CPVL: variants seen among roughly 807,000 people sequenced by gnomAD.
CPVL encodes carboxypeptidase vitellogenic like.
Under a neutral mutation model 63.7 loss-of-function variants are expected in CPVL, and 51 were observed. The ratio of observed to expected loss-of-function variants is 0.80; its 90% CI spans 0.64 to 1.01. The LOEUF is 1.01. Ranked by LOEUF, CPVL falls within the 50% of genes least tolerant of loss-of-function variation. The pLI is 0.00. For synonymous variants in CPVL, 195 were observed against 206.0 expected (o/e 0.95, Z 0.46); for missense variants, 530 against 573.1 (o/e 0.92, Z 0.77).
intron 11 of CPVL, among the ~76,000 whole-genome samples, chr7:29,041,126 A>ATTTTTT (rs1191228187): frequency 1.1e-4 from 12 of 104,918 alleles, no homozygotes; most frequent in African/African-American, 1.8e-4. Context: ...CAATAACTGG[A>ATTTTTT]TTTTTTTTTT....
intron 9 of CPVL, among the ~76,000 whole-genome samples, chr7:29,069,277 T>A (rs1328394112): frequency 6.6e-6 from 1 of 151,314 alleles, no homozygotes; most frequent in African/African-American, 2.4e-5. Context: ...CCGTCTCTAC[T>A]AAAAATAAGA....
At chr7:29,110,417 C>T (rs530769265) in intron 3 of CPVL, among the ~76,000 whole-genome samples, 18 of 152,234 alleles carry the variant, frequency 1.2e-4, no homozygotes, top group African/African-American at 3.6e-4. Flanking sequence ...TGGTAAAAGG[C>T]GTGTTGGTCA....
At chr7:29,176,145 CA>C (rs1797301362) in intron 5 of CPVL, among the ~76,000 whole-genome samples, 2 of 151,162 alleles carry the variant, frequency 1.3e-5, no homozygotes, top group Non-Finnish European at 2.9e-5. Flanking sequence ...AAGATCGCGC[CA>C]CTGCACTCCA....
intron 5 of CPVL, 45 bp from the exon 6 acceptor site, chr7:29,092,747 T>A: frequency 7.5e-7 from 1 of 1,337,592 alleles, no homozygotes; most frequent in South Asian, 1.2e-5. Context: ...GAGAAACACA[T>A]GCCTTAGGGA....
At chr7:29,157,335 C>T (rs540763197) in intron 5 of CPVL, among the ~76,000 whole-genome samples, 59 of 152,204 alleles carry the variant, frequency 3.9e-4, no homozygotes, top group African/African-American at 1.4e-3. Context: ...CTTCTCCACT[C>T]AATGCCCAGC....
At chr7:28,996,832 C>G (rs961241176) in intron 12 of CPVL, among the ~76,000 whole-genome samples, 1 of 151,950 alleles carries the variant, frequency 6.6e-6, no homozygotes, top group Non-Finnish European at 1.5e-5. Context: ...ATGTAGTGCA[C>G]TTCCCCCACA....
chr7:29,051,583 A>C (rs1025105784), intron 11 of CPVL, among the ~76,000 whole-genome samples: 2 of 152,214 alleles, frequency 1.3e-5, no homozygotes, highest in African/African-American at 2.4e-5. Context: ...CATAATCAAA[A>C]AATCAAAAAA....
At chr7:29,110,234 GA>G (rs1193160828) in intron 3 of CPVL, among the ~76,000 whole-genome samples, 1 of 152,248 alleles carries the variant, frequency 6.6e-6, no homozygotes, top group Non-Finnish European at 1.5e-5. Flanking sequence ...AGGAGGACTA[GA>G]GTGGAAAGAA....
At chr7:29,007,751 A>AC (rs1485515342) in intron 12 of CPVL, among the ~76,000 whole-genome samples, 3 of 118,768 alleles carry the variant, frequency 2.5e-5, no homozygotes, top group Non-Finnish European at 5.1e-5. Flanking sequence ...TGTAGTATTA[A>AC]AACACACACA....
At chr7:29,029,893 A>C (rs1223777229) in intron 12 of CPVL, among the ~76,000 whole-genome samples, 2 of 152,234 alleles carry the variant, frequency 1.3e-5, no homozygotes, top group African/African-American at 4.8e-5. Context: ...ACATGTATCA[A>C]AATATTACAT....
intron 2 of CPVL, among the ~76,000 whole-genome samples, chr7:29,118,964 T>C (rs536422661): frequency 1.3e-5 from 2 of 152,190 alleles, no homozygotes; most frequent in African/African-American, 4.8e-5. Flanking sequence ...ACCAAACCAA[T>C]TCCCCACTCA....
intron 11 of CPVL, among the ~76,000 whole-genome samples, chr7:29,039,067 C>T (rs1220515912): frequency 6.6e-6 from 1 of 152,156 alleles, no homozygotes; most frequent in Non-Finnish European, 1.5e-5. Flanking sequence ...AGTGAATACT[C>T]AGAAAAGGAA....
intron 5 of CPVL, among the ~76,000 whole-genome samples, chr7:29,155,858 C>G (rs1794294466): frequency 6.6e-6 from 1 of 152,096 alleles, no homozygotes. Context: ...TCTAAATGCC[C>G]TCTGTCCTTC....
At chr7:29,111,711 A>G (rs753468738) in intron 3 of CPVL, among the ~76,000 whole-genome samples, 8 of 152,216 alleles carry the variant, frequency 5.3e-5, no homozygotes, top group Non-Finnish European at 7.3e-5. Flanking sequence ...AGAGAGCAGG[A>G]AAGAAAAGTC....
intron 4 of CPVL, among the ~76,000 whole-genome samples, chr7:29,181,652 T>C (rs920335896): frequency 6.6e-6 from 1 of 152,216 alleles, no homozygotes; most frequent in Non-Finnish European, 1.5e-5. Context: ...AGTAGCTTTA[T>C]TATGGCCTCC....
rs778818106 is a variant in CPVL, at chr7:29,072,321, C to T, written c.712G>A (p.Gly238Arg). 4.3e-6 allele frequency: 7 copies of T among 1,613,858 alleles called. No individual in the cohort carries two copies. The highest frequency in any genetic ancestry group is 4.2e-6 in the Non-Finnish European group (5 of 1,179,968). Residue 238 changes from glycine to arginine, a missense_variant, in exon 8 of 13, where the codon GGA becomes AGA. Coordinates refer to ENST00000265394, the MANE Select transcript of CPVL (RefSeq NM_031311.5). ...INLNGIAIGD[G>R]YSDPESIIGG... ...CCTACTGATTCGGGATCAGAATATCCATCTCCAATAGCAATTCCGTTCAGG... is the reference window on the plus strand; with the variant it reads ...CCTACTGATTCGGGATCAGAATATCTATCTCCAATAGCAATTCCGTTCAGG...
At chr7:29,046,380 G>A (rs1156522886) in intron 11 of CPVL, among the ~76,000 whole-genome samples, 4 of 152,102 alleles carry the variant, frequency 2.6e-5, no homozygotes, top group African/African-American at 4.8e-5. Flanking sequence ...CACCGCGCCC[G>A]ACCAGGTAAA....
chr7:29,113,085 T>C (rs1295539809), intron 2 of CPVL, among the ~76,000 whole-genome samples: 1 of 151,986 alleles, frequency 6.6e-6, no homozygotes, highest in Non-Finnish European at 1.5e-5. Flanking sequence ...GTAATAAGGT[T>C]TTTTTTAAGT....
chr7:29,098,631 C>T (rs941701685), intron 3 of CPVL, among the ~76,000 whole-genome samples: 6 of 152,134 alleles, frequency 3.9e-5, no homozygotes, highest in African/African-American at 4.8e-5. Flanking sequence ...GGGGTCAGCG[C>T]GGTATTATAT....
Sources: allele counts gnomAD v4.1 joint callset (sites outside exome capture counted in the v4.1 genomes callset), GRCh38; gene constraint gnomAD v4.1.1; transcripts MANE v1.5; gene names NCBI Gene and HGNC (gene_info 2026-07-23, HGNC 2026-07-21).